DOCK1: variants seen among roughly 807,000 people sequenced by gnomAD.
DOCK1 encodes dedicator of cytokinesis protein 1.
In DOCK1, 138 loss-of-function variants were observed where a neutral mutation model predicts 262.7. The ratio of observed to expected loss-of-function variants is 0.53; its 90% CI spans 0.46 to 0.61. The LOEUF is 0.61. Ranked by LOEUF, DOCK1 falls within the 20% of genes least tolerant of loss-of-function variation. The pLI is 0.00. For missense variants in DOCK1, 1,908 were observed against 2,370.7 expected, an observed-to-expected ratio of 0.80 and a Z score of 4.05; for synonymous variants, 866 against 867.4, an observed-to-expected ratio of 1.00 and a Z score of 0.03.
intron 25 of DOCK1, among the ~76,000 whole-genome samples, chr10:127,118,500 A>G (rs1443805014): frequency 6.6e-6 from 1 of 152,198 alleles, no homozygotes; most frequent in Non-Finnish European, 1.5e-5. Flanking sequence ...GCCTTCCTTT[A>G]AAGGATGGCT....
chr10:127,165,540 A>G (rs893597760), intron 27 of DOCK1, among the ~76,000 whole-genome samples: 1 of 152,086 alleles, frequency 6.6e-6, no homozygotes, highest in Non-Finnish European at 1.5e-5. Flanking sequence ...CAGGATCTCA[A>G]TTTTCATGAA....
intron 49 of DOCK1, among the ~76,000 whole-genome samples, chr10:127,440,461 AAGG>A (rs2070032368): frequency 1.3e-5 from 2 of 152,112 alleles, no homozygotes; most frequent in South Asian, 2.1e-4. Context: ...AAAAATAAAG[AAGG>A]AGTTCTCATG....
chr10:127,160,779 C>T lies in DOCK1; in HGVS notation c.2847+33015C>T, dbSNP rs992625134. On this transcript the variant is annotated intron_variant, in intron 27 of 51. Transcript: ENST00000623213. ...CTGCTCTCAAAGAAAATGTTTTTGC[C>T]GTTAATTTATTCTCTTAAGTTTGAT... 5.9e-5 allele frequency among the ~76,000 whole-genome samples: 9 copies of T among 152,172 alleles called. No individual in the cohort carries two copies. In the South Asian group the frequency reaches 1.0e-3, roughly 18 times the overall value.
At chr10:127,406,328 A>G (rs2067513522) in intron 40 of DOCK1, among the ~76,000 whole-genome samples, 2 of 152,216 alleles carry the variant, frequency 1.3e-5, no homozygotes, top group Admixed American at 1.3e-4. Flanking sequence ...AGGTTGTGCC[A>G]GGAGCTCACA....
chr10:127,386,607 C>G (rs2066136178), intron 38 of DOCK1, among the ~76,000 whole-genome samples: 1 of 151,820 alleles, frequency 6.6e-6, no homozygotes. Flanking sequence ...CTCCCATCTT[C>G]CCCTGATGGG....
chr10:127,086,349 G>C (rs1412470860), intron 23 of DOCK1, among the ~76,000 whole-genome samples: 4 of 151,130 alleles, frequency 2.6e-5, no homozygotes, highest in Non-Finnish European at 4.4e-5. Flanking sequence ...CCTTCTCTTT[G>C]AGTCCTTATA....
At chr10:126,917,125 A>T (rs1203472091) in intron 1 of DOCK1, among the ~76,000 whole-genome samples, 1 of 152,154 alleles carries the variant, frequency 6.6e-6, no homozygotes, top group African/African-American at 2.4e-5. Context: ...CCTGTGCCAG[A>T]CACCCCGAGC....
intron 33 of DOCK1, among the ~76,000 whole-genome samples, chr10:127,371,570 C>T (rs2065211110): frequency 6.6e-6 from 1 of 152,162 alleles, no homozygotes; most frequent in Admixed American, 6.5e-5. Context: ...TGTATGTTTG[C>T]CCATGTCAGG....
intron 28 of DOCK1, among the ~76,000 whole-genome samples, chr10:127,252,013 GTGTTC>G (rs1423273017): frequency 1.3e-5 from 2 of 151,904 alleles, no homozygotes; most frequent in African/African-American, 4.8e-5. Context: ...CAGTGTAAAA[GTGTTC>G]CTATTTCTCC....
chr10:127,432,306 G>A (rs1274803739), intron 47 of DOCK1, among the ~76,000 whole-genome samples: 1 of 152,130 alleles, frequency 6.6e-6, no homozygotes, highest in African/African-American at 2.4e-5. Context: ...CTTTTCAGAA[G>A]GGGAAGTGGC....
chr10:127,000,461 T>A, intron 10 of DOCK1, 154 bp downstream of exon 10: 1 of 1,160,888 alleles, frequency 8.6e-7, no homozygotes, highest in Non-Finnish European at 1.2e-6. Flanking sequence ...ATTTTCATTG[T>A]GGCTTCAAGT....
rs200969335 is a variant in DOCK1 at position 127,066,334 on chromosome 10, TTCG to T, written c.2445+4561_2445+4563del. 3.9e-3 allele frequency among the ~76,000 whole-genome samples: 596 copies of T among 152,294 alleles called. 2 individuals are homozygous for T. Among genetic ancestry groups the T allele is most frequent in the African/African-American group, 0.014 (563 of 41,556 alleles). ...ACTGGGCTTGCTAGGTCCCCAGTTCTTCGTCTTGAAATTAGGGCAGAAAAGTCT... is the reference window on the plus strand; with the variant it reads ...ACTGGGCTTGCTAGGTCCCCAGTTCTTCTTGAAATTAGGGCAGAAAAGTCT... On this transcript the variant is annotated intron_variant, in intron 23 of 51. Transcript: ENST00000623213.
chr10:127,031,993 A>G (rs868059819), intron 17 of DOCK1, 144 bp from the exon 18 acceptor site: 7 of 1,103,162 alleles, frequency 6.3e-6, no homozygotes, highest in Middle Eastern at 4.7e-4. Flanking sequence ...TGCTGCAGTA[A>G]TAAGGGAAAT....
At chr10:127,230,405 G>T (rs1157250305) in intron 27 of DOCK1, among the ~76,000 whole-genome samples, 1 of 151,952 alleles carries the variant, frequency 6.6e-6, no homozygotes, top group Non-Finnish European at 1.5e-5. Flanking sequence ...ACAGTTTCAG[G>T]CCTTAGGTTT....
chr10:127,402,961 T>C, intron 38 of DOCK1, 94 bp from the exon 39 acceptor site: 2 of 1,123,652 alleles, frequency 1.8e-6, no homozygotes, highest in South Asian at 1.4e-5. Context: ...AATGTACTTC[T>C]ACACTGTTTT....
At chr10:127,091,308 G>T (rs2047520066) in intron 23 of DOCK1, among the ~76,000 whole-genome samples, 1 of 152,080 alleles carries the variant, frequency 6.6e-6, no homozygotes, top group Non-Finnish European at 1.5e-5. Flanking sequence ...AATTCTTTTG[G>T]GTATACATCG....
In DOCK1 at chr10:127,099,617, A is replaced by G. The variant is rs141048150; in HGVS notation, c.2446-6614A>G. On this transcript the variant is annotated intron_variant, in intron 23 of 51. Coordinates refer to ENST00000623213, the MANE Select transcript of DOCK1 (RefSeq NM_001290223.2). ...ACAAGAGAGAGCGCAGGGAGGTGCC[A>G]TTGTCTTAAACCGCCAGCTCTCACG... Among the ~76,000 whole-genome samples the G allele has an allele frequency of 9.7e-4, 148 of 152,152 alleles. 3 individuals carry two copies. The East Asian group carries it at 0.025, about 26-fold the overall frequency.
intron 29 of DOCK1, among the ~76,000 whole-genome samples, chr10:127,261,838 G>A (rs2060149578): frequency 7.3e-6 from 1 of 136,624 alleles, no homozygotes; most frequent in African/African-American, 2.9e-5. Context: ...GTGCATGTGG[G>A]TGTGCGTGTG....
chr10:127,414,114 G>A (rs1005055633), intron 43 of DOCK1, among the ~76,000 whole-genome samples: 18 of 152,102 alleles, frequency 1.2e-4, no homozygotes, highest in East Asian at 9.7e-4. Flanking sequence ...ATTTTGCCAC[G>A]TTGCCCGGCC....
Sources: gnomAD v4.1 joint callset for allele counts (sites outside exome capture counted in the v4.1 genomes callset) on GRCh38, gnomAD v4.1.1 for gene constraint, MANE v1.5 for transcripts, NCBI Gene and HGNC (gene_info 2026-07-23, HGNC 2026-07-21) for gene names.